The following FMN2 variants were observed in gnomAD, a reference collection of about 807,000 sequenced individuals.
FMN2 encodes formin 2.
In FMN2, 51 loss-of-function variants were observed where a neutral mutation model predicts 142.3. That is an observed-to-expected ratio of 0.36 (90% confidence interval 0.29 to 0.45). The LOEUF (loss-of-function observed/expected upper bound fraction) is 0.45, where lower values mean the gene tolerates loss of function less well. Ranked by LOEUF, FMN2 falls within the 20% of genes least tolerant of loss-of-function variation. FMN2 has a pLI of 1.00. For synonymous variants in FMN2, 882 were observed against 869.8 expected (o/e 1.01, Z -0.25); for missense variants, 1,936 against 2,122.8 (o/e 0.91, Z 1.73).
chr1:240,152,396 T>C (rs1268374395), intron 2 of FMN2, among the ~76,000 whole-genome samples: 2 of 152,174 alleles, frequency 1.3e-5, no homozygotes, highest in Non-Finnish European at 2.9e-5. Flanking sequence ...GTTTTTGAAA[T>C]TCACCCCACT....
At chr1:240,329,595 A>G in intron 10 of FMN2, 127 bp downstream of exon 10, 1 of 1,224,152 alleles carries the variant, frequency 8.2e-7, no homozygotes, top group Non-Finnish European at 1.1e-6. Context: ...TCGCAGTCCC[A>G]CAGAAGGGAA....
At chr1:240,169,323 T>G (rs1664608141) in intron 2 of FMN2, among the ~76,000 whole-genome samples, 2 of 152,222 alleles carry the variant, frequency 1.3e-5, no homozygotes, top group Admixed American at 6.5e-5. Flanking sequence ...TTGGCAGTCT[T>G]GTCTCAGATA....
chr1:240,407,036 C>T (rs370093893), intron 15 of FMN2, among the ~76,000 whole-genome samples: 3 of 152,196 alleles, frequency 2.0e-5, no homozygotes, highest in South Asian at 2.1e-4. Flanking sequence ...TGTGGGTAAA[C>T]TTTAAAAGTA....
In FMN2 at chr1:240,317,305, T is replaced by TAAAAAAAAA. The variant is rs374121506; in HGVS notation, c.4216-11766_4216-11765insAAAAAAAAA. 1.8e-4 allele frequency among the ~76,000 whole-genome samples: 27 copies of TAAAAAAAAA among 146,442 alleles called. 1 individual carries two copies. The highest frequency in any genetic ancestry group is 3.9e-4 in the East Asian group (2 of 5,068). On this transcript the variant is annotated intron_variant, in intron 8 of 17. Coordinates refer to ENST00000319653, the MANE Select transcript of FMN2 (RefSeq NM_020066.5). Reference sequence around the variant, plus strand: ...CACTCCAGCCTGGGGAGACTCCATCTAAAAAGAAAAAGAAAAGAAAGATGT... The same window carrying TAAAAAAAAA: ...CACTCCAGCCTGGGGAGACTCCATCTAAAAAAAAAAAAAAGAAAAAGAAAAGAAAGATGT...
chr1:240,212,656 C>T (rs1394990323), intron 6 of FMN2, among the ~76,000 whole-genome samples: 1 of 152,126 alleles, frequency 6.6e-6, no homozygotes, highest in Non-Finnish European at 1.5e-5. Context: ...AATGGAAAAT[C>T]ATATTTTCTC....
chr1:240,134,548 G>A (rs996756163), intron 2 of FMN2, among the ~76,000 whole-genome samples: 2 of 152,140 alleles, frequency 1.3e-5, no homozygotes, highest in Non-Finnish European at 2.9e-5. Context: ...GAGCCTGGGA[G>A]GTTGAGGTTG....
chr1:240,273,153 G>C (rs1669079188), intron 7 of FMN2, among the ~76,000 whole-genome samples: 1 of 152,142 alleles, frequency 6.6e-6, no homozygotes, highest in Admixed American at 6.6e-5. Flanking sequence ...AAGTTGTAAA[G>C]AGAATTTCTG....
At chr1:240,287,685 A>C (rs1041468736) in intron 7 of FMN2, among the ~76,000 whole-genome samples, 27 of 152,232 alleles carry the variant, frequency 1.8e-4, no homozygotes, top group African/African-American at 6.5e-4. Context: ...ATTAAAAAAA[A>C]CATTTTCCAT....
chr1:240,428,037 A>G (rs114726385), intron 15 of FMN2, among the ~76,000 whole-genome samples: 3 of 151,836 alleles, frequency 2.0e-5, no homozygotes, highest in African/African-American at 7.3e-5. Flanking sequence ...TGTGTTTCTT[A>G]TACAGGAAAT....
chr1:240,451,488 T>C (rs1001324680), intron 16 of FMN2, among the ~76,000 whole-genome samples: 1 of 152,080 alleles, frequency 6.6e-6, no homozygotes, highest in African/African-American at 2.4e-5. Context: ...GGCTTTACAA[T>C]ATTCTGCCCC....
At chr1:240,325,018 TG>T (rs1671114428) in intron 8 of FMN2, among the ~76,000 whole-genome samples, 1 of 152,166 alleles carries the variant, frequency 6.6e-6, no homozygotes, top group South Asian at 2.1e-4. Context: ...CTACCATCTT[TG>T]TGCATGTCAA....
chr1:240,099,682 C>T (rs992267012), intron 1 of FMN2, among the ~76,000 whole-genome samples: 2 of 152,150 alleles, frequency 1.3e-5, no homozygotes, highest in African/African-American at 2.4e-5. Flanking sequence ...ATACATGATT[C>T]GTCTCTTTTG....
At chr1:240,372,639 CTTT>C (rs748480743) in intron 14 of FMN2, among the ~76,000 whole-genome samples, 2 of 114,828 alleles carry the variant, frequency 1.7e-5, no homozygotes, top group Non-Finnish European at 1.9e-5. Context: ...GGAAGAATTT[CTTT>C]TTTTTTTTTT....
chr1:240,389,738 G>A (rs982701559), intron 14 of FMN2, among the ~76,000 whole-genome samples: 2 of 152,082 alleles, frequency 1.3e-5, no homozygotes, highest in African/African-American at 4.8e-5. Flanking sequence ...GATTGCTTGA[G>A]CCTCGGAGTC....
At chr1:240,169,700 C>T (rs1020440144) in intron 2 of FMN2, among the ~76,000 whole-genome samples, 1 of 152,042 alleles carries the variant, frequency 6.6e-6, no homozygotes, top group Non-Finnish European at 1.5e-5. Flanking sequence ...GTCTCCATCT[C>T]CTGGGCTCAA....
At chr1:240,139,205 G>A (rs1663076791) in intron 2 of FMN2, among the ~76,000 whole-genome samples, 2 of 152,220 alleles carry the variant, frequency 1.3e-5, no homozygotes, top group Admixed American at 6.5e-5. Flanking sequence ...GGAGTGGGCA[G>A]AGACAAGGAG....
intron 13 of FMN2, among the ~76,000 whole-genome samples, chr1:240,348,223 C>CTT (rs780364990): frequency 2.2e-5 from 3 of 139,312 alleles, no homozygotes; most frequent in Non-Finnish European, 4.7e-5. Context: ...GTTTTTTTTA[C>CTT]TTTTTTTTTT....
chr1:240,392,397 A>G, intron 14 of FMN2, 114 bp from the exon 15 acceptor site: 1 of 673,074 alleles, frequency 1.5e-6, no homozygotes, highest in Non-Finnish European at 2.5e-6. Context: ...TTCTGGTTGT[A>G]GTACAATAGA....
chr1:240,427,299 G>A (rs1674984658), intron 15 of FMN2, among the ~76,000 whole-genome samples: 2 of 151,568 alleles, frequency 1.3e-5, no homozygotes, highest in Admixed American at 6.6e-5. Flanking sequence ...TCCGCCTCCT[G>A]GGTTCACGCC....
Sources: gnomAD v4.1 joint callset for allele counts (sites outside exome capture counted in the v4.1 genomes callset) on GRCh38, gnomAD v4.1.1 for gene constraint, MANE v1.5 for transcripts, NCBI Gene and HGNC (gene_info 2026-07-23, HGNC 2026-07-21) for gene names.